PPP3CC: variants seen among roughly 807,000 people sequenced by gnomAD.
PPP3CC encodes protein phosphatase 3 catalytic subunit gamma.
PPP3CC carries 35 observed loss-of-function variants against 60.3 expected under a neutral mutation model. The ratio of observed to expected loss-of-function variants is 0.58; its 90% CI spans 0.44 to 0.77. PPP3CC has a LOEUF of 0.77. Ranked by LOEUF, PPP3CC falls within the 30% of genes least tolerant of loss-of-function variation. The pLI is 0.00. For missense variants in PPP3CC, 570 were observed against 628.9 expected (o/e 0.91, Z 1.00); for synonymous variants, 206 against 224.3 (o/e 0.92, Z 0.73).
chr8:22,497,953 C>A, intron 3 of PPP3CC, 48 bp from the exon 4 acceptor site: 1 of 1,203,828 alleles, frequency 8.3e-7, no homozygotes, highest in Non-Finnish European at 1.2e-6. Flanking sequence ...TGTGTTTATG[C>A]ATTATAATGG....
At chr8:22,449,543 C>G (rs1836942125) in intron 1 of PPP3CC, among the ~76,000 whole-genome samples, 1 of 149,500 alleles carries the variant, frequency 6.7e-6, no homozygotes. Flanking sequence ...TCCATAGTGT[C>G]TTAATGGGGG....
At position 22,534,935 on chromosome 8, in the gene PPP3CC, A is replaced by G. The variant is rs571304582; in HGVS notation, c.1321+1917A>G. 9.8e-4 allele frequency among the ~76,000 whole-genome samples: 150 copies of G among 152,354 alleles called. 1 individual carries two copies. Among genetic ancestry groups the G allele is most frequent in the African/African-American group, 3.4e-3 (143 of 41,574 alleles). On this transcript the variant is annotated intron_variant, in intron 12 of 13. Transcript: ENST00000240139. ...TGGACTAATCAGTGATAATAAAGTCAGAATGTCACTTCCTCTGGTGGGAGA... is the reference window on the plus strand; with the variant it reads ...TGGACTAATCAGTGATAATAAAGTCGGAATGTCACTTCCTCTGGTGGGAGA...
At chr8:22,535,003 AATGTTCTGTATCATT>A (rs1429488001) in intron 12 of PPP3CC, among the ~76,000 whole-genome samples, 2 of 152,186 alleles carry the variant, frequency 1.3e-5, no homozygotes, top group African/African-American at 4.8e-5. Flanking sequence ...GAGTGTTAGG[AATGTTCTGTATCATT>A]ATCATGGTGG....
intron 3 of PPP3CC, among the ~76,000 whole-genome samples, chr8:22,489,763 ATATTT>A (rs1838343465): frequency 7.4e-6 from 1 of 135,716 alleles, no homozygotes; most frequent in African/African-American, 2.7e-5. Flanking sequence ...ATATAAGTAT[ATATTT>A]TATATTATAT....
chr8:22,464,008 G>C lies in PPP3CC; in HGVS notation c.50-10946G>C, dbSNP rs200861210. ...TCACCATGTTGGTCAGGCTGGTCTC[G>C]AACTCCTGACCTCAGGTGATCTGCC... On this transcript the variant is annotated intron_variant, in intron 1 of 13. Coordinates refer to ENST00000240139, the MANE Select transcript of PPP3CC (RefSeq NM_005605.5). 1.2e-3 allele frequency among the ~76,000 whole-genome samples: 176 copies of C among 152,076 alleles called. 1 individual carries two copies. Among genetic ancestry groups the C allele is most frequent in the Middle Eastern group, 3.4e-3 (1 of 294 alleles).
intron 12 of PPP3CC, among the ~76,000 whole-genome samples, chr8:22,538,851 A>G (rs1033710686): frequency 6.6e-6 from 1 of 152,152 alleles, no homozygotes; most frequent in African/African-American, 2.4e-5. Flanking sequence ...GGGTACACAC[A>G]TTTGCATTAG....
At chr8:22,459,832 T>C (rs1837315294) in intron 1 of PPP3CC, among the ~76,000 whole-genome samples, 1 of 152,176 alleles carries the variant, frequency 6.6e-6, no homozygotes, top group Admixed American at 6.5e-5. Context: ...GGAAAAATCT[T>C]TGTGACTTTG....
At chr8:22,490,707 G>GT (rs1018417637) in intron 3 of PPP3CC, among the ~76,000 whole-genome samples, 2 of 150,096 alleles carry the variant, frequency 1.3e-5, no homozygotes, top group African/African-American at 4.9e-5. Context: ...GCGGTGGTTG[G>GT]TTTTTTTGTC....
chr8:22,532,142 A>T, intron 10 of PPP3CC, 83 bp from the exon 11 acceptor site: 1 of 978,900 alleles, frequency 1.0e-6, no homozygotes, highest in Non-Finnish European at 1.5e-6. Flanking sequence ...TGTTTCTTTA[A>T]CTTAAGACAC....
At chr8:22,462,174 T>TGG (rs1243537331) in intron 1 of PPP3CC, among the ~76,000 whole-genome samples, 2 of 152,064 alleles carry the variant, frequency 1.3e-5, no homozygotes, top group Non-Finnish European at 2.9e-5. Context: ...ACTCAAGAGT[T>TGG]GGAGACTGCA....
chr8:22,475,367 C>G, intron 2 of PPP3CC, 133 bp from the exon 3 acceptor site: 1 of 1,105,462 alleles, frequency 9.0e-7, no homozygotes, highest in Non-Finnish European at 1.3e-6. Flanking sequence ...AGTAGATTGA[C>G]TACAGTTTTA....
chr8:22,497,910 G>A lies in PPP3CC; in HGVS notation c.373-91G>A, dbSNP rs1363424519. The A allele has an allele frequency of 5.3e-6, 4 of 760,766 alleles. No individual in the cohort carries two copies. In the African/African-American group the frequency reaches 5.3e-5, roughly 10 times the overall value. The allele number at this position is 760,766 out of a possible 1,614,324, so 47.1% of individuals were successfully genotyped here. ...CAATTTGGGAGTAACAATGAGATAT[G>A]CCATTACAGCAAGTCATTTGAATTA... On this transcript the variant is annotated intron_variant, in intron 3 of 13. Coordinates refer to ENST00000240139, the MANE Select transcript of PPP3CC (RefSeq NM_005605.5).
chr8:22,514,460 C>A (rs1317421687), intron 6 of PPP3CC, among the ~76,000 whole-genome samples: 1 of 151,746 alleles, frequency 6.6e-6, no homozygotes, highest in East Asian at 1.9e-4. Context: ...TTCTTCTAAA[C>A]AACCTTTTTT....
chr8:22,520,962 T>A (rs910472940), intron 6 of PPP3CC, among the ~76,000 whole-genome samples: 25 of 152,200 alleles, frequency 1.6e-4, no homozygotes, highest in African/African-American at 6.0e-4. Context: ...AAATACCTTC[T>A]CCTATTGAGT....
intron 1 of PPP3CC, among the ~76,000 whole-genome samples, chr8:22,463,380 C>T (rs1316811689): frequency 6.6e-6 from 1 of 152,164 alleles, no homozygotes; most frequent in Non-Finnish European, 1.5e-5. Flanking sequence ...GTGCATGATA[C>T]AAACATTTAC....
intron 8 of PPP3CC, among the ~76,000 whole-genome samples, chr8:22,525,396 T>G (rs1331266744): frequency 6.6e-6 from 1 of 152,128 alleles, no homozygotes; most frequent in African/African-American, 2.4e-5. Flanking sequence ...TTCTTCCTTT[T>G]CTTCTACTGT....
intron 1 of PPP3CC, among the ~76,000 whole-genome samples, chr8:22,461,323 T>A (rs1209124287): frequency 6.6e-6 from 1 of 152,186 alleles, no homozygotes; most frequent in Non-Finnish European, 1.5e-5. Flanking sequence ...AACTGCTGGC[T>A]GGTTTTCTAG....
At chr8:22,527,701 T>C (rs1000618264) in intron 9 of PPP3CC, among the ~76,000 whole-genome samples, 184 bp downstream of exon 9, 17 of 151,976 alleles carry the variant, frequency 1.1e-4, no homozygotes, top group Non-Finnish European at 2.4e-4. Flanking sequence ...AGTGGCACGA[T>C]CTCAGCTAAC....
chr8:22,453,580 T>G (rs1331588399), intron 1 of PPP3CC, among the ~76,000 whole-genome samples: 1 of 152,190 alleles, frequency 6.6e-6, no homozygotes, highest in Non-Finnish European at 1.5e-5. Context: ...GCAGCCTGTG[T>G]TTGGTTGAAA....
Sources: gnomAD v4.1 joint callset for allele counts (sites outside exome capture counted in the v4.1 genomes callset) on GRCh38, gnomAD v4.1.1 for gene constraint, MANE v1.5 for transcripts, NCBI Gene and HGNC (gene_info 2026-07-23, HGNC 2026-07-21) for gene names.